Variants in CNTNAP2 observed in about 807,000 individuals in gnomAD.
CNTNAP2 encodes the protein contactin associated protein 2.
A neutral mutation model predicts 155.2 loss-of-function variants in CNTNAP2; 98 were observed. The ratio of observed to expected loss-of-function variants is 0.63; its 90% CI spans 0.54 to 0.75. CNTNAP2 has a LOEUF of 0.75. CNTNAP2 is among the 30% of genes least tolerant of loss of function. The pLI, the probability that CNTNAP2 is intolerant of heterozygous loss-of-function variation, is 0.00. For synonymous variants in CNTNAP2, 651 were observed against 631.2 expected, an observed-to-expected ratio of 1.03 and a Z score of -0.47; for missense variants, 1,727 against 1,688.1, an observed-to-expected ratio of 1.02 and a Z score of -0.40.
chr7:146,990,002 A>G (rs1216467300), intron 3 of CNTNAP2, among the ~76,000 whole-genome samples: 3 of 152,022 alleles, frequency 2.0e-5, no homozygotes, highest in Non-Finnish European at 4.4e-5. Flanking sequence ...TTATCTGGTC[A>G]TATTTACAGG....
At chr7:148,278,559 G>C (rs1585237006) in intron 21 of CNTNAP2, among the ~76,000 whole-genome samples, 1 of 98,422 alleles carries the variant, frequency 1.0e-5, no homozygotes, top group African/African-American at 4.3e-5. Context: ...AACAGAGTGA[G>C]ACTACATCTC....
intron 4 of CNTNAP2, among the ~76,000 whole-genome samples, chr7:147,056,348 T>G (rs1363540423): frequency 2.0e-5 from 3 of 152,178 alleles, no homozygotes; most frequent in African/African-American, 7.2e-5. Flanking sequence ...CTTCCTAAAC[T>G]TTGAAGTGCA....
At chr7:146,292,996 CA>C (rs143585663) in intron 1 of CNTNAP2, among the ~76,000 whole-genome samples, 1,944 of 152,070 alleles carry the variant, frequency 0.013, 30 homozygotes, top group African/African-American at 0.043. Context: ...ATTGTTATTT[CA>C]AATGTTCTCA....
intron 1 of CNTNAP2, among the ~76,000 whole-genome samples, chr7:146,483,285 ATATATATATATATATATATATATAT>A (rs1347908676): frequency 0.051 from 2,415 of 47,218 alleles, 227 homozygotes; most frequent in African/African-American, 0.18. Context: ...AAAAAAAAAT[ATATATATATATATATATATATATAT>A]ATATATATAT....
intron 8 of CNTNAP2, among the ~76,000 whole-genome samples, chr7:147,296,260 TG>T: frequency 6.6e-6 from 1 of 152,298 alleles, no homozygotes; most frequent in South Asian, 2.1e-4. Flanking sequence ...CAAAAAACCA[TG>T]CAGTCCTATA....
At chr7:147,445,047 C>T (rs888797881) in intron 10 of CNTNAP2, among the ~76,000 whole-genome samples, 1 of 152,140 alleles carries the variant, frequency 6.6e-6, no homozygotes, top group Non-Finnish European at 1.5e-5. Flanking sequence ...ATCAGGGGAA[C>T]AGCAAGAGAA....
At chr7:146,221,198 C>T (rs1035983815) in intron 1 of CNTNAP2, among the ~76,000 whole-genome samples, 1 of 152,126 alleles carries the variant, frequency 6.6e-6, no homozygotes, top group African/African-American at 2.4e-5. Flanking sequence ...TTCCCACATC[C>T]TCACAATATC....
intron 9 of CNTNAP2, among the ~76,000 whole-genome samples, chr7:147,352,321 G>C (rs1405654915): frequency 6.6e-6 from 1 of 151,910 alleles, no homozygotes; most frequent in Non-Finnish European, 1.5e-5. Flanking sequence ...ACACTTTTGA[G>C]ATATGGCAGA....
intron 13 of CNTNAP2, among the ~76,000 whole-genome samples, chr7:147,780,406 T>C (rs1389401382): frequency 6.6e-6 from 1 of 152,180 alleles, no homozygotes; most frequent in African/African-American, 2.4e-5. Flanking sequence ...ATTAACAGGT[T>C]TTTTTTAAAG....
At chr7:148,277,677 C>G (rs570142483) in intron 21 of CNTNAP2, among the ~76,000 whole-genome samples, 1 of 152,042 alleles carries the variant, frequency 6.6e-6, no homozygotes, top group South Asian at 2.1e-4. Flanking sequence ...ACCCTTGGTC[C>G]CATCCGTCAT....
chr7:146,949,980 G>A (rs1302106194), intron 3 of CNTNAP2, among the ~76,000 whole-genome samples: 2 of 152,086 alleles, frequency 1.3e-5, no homozygotes, highest in Non-Finnish European at 2.9e-5. Context: ...AGCAAAAATT[G>A]GTGCTCATCT....
At chr7:146,429,519 T>C (rs1796141603) in intron 1 of CNTNAP2, among the ~76,000 whole-genome samples, 1 of 152,148 alleles carries the variant, frequency 6.6e-6, no homozygotes, top group Non-Finnish European at 1.5e-5. Flanking sequence ...ATAATTCTGC[T>C]CTCTAGTTTC....
At chr7:146,611,738 C>T (rs1392819526) in intron 1 of CNTNAP2, among the ~76,000 whole-genome samples, 1 of 152,106 alleles carries the variant, frequency 6.6e-6, no homozygotes, top group African/African-American at 2.4e-5. Flanking sequence ...ATTTAAATTA[C>T]ATATTTTGGT....
At chr7:146,845,552 TGTA>T (rs1202913819) in intron 3 of CNTNAP2, among the ~76,000 whole-genome samples, 1 of 152,174 alleles carries the variant, frequency 6.6e-6, no homozygotes, top group Non-Finnish European at 1.5e-5. Context: ...CCAAATCTAG[TGTA>T]GTATGTTTTT....
At chr7:147,013,092 T>C (rs1437740038) in intron 3 of CNTNAP2, among the ~76,000 whole-genome samples, 1 of 152,184 alleles carries the variant, frequency 6.6e-6, no homozygotes, top group African/African-American at 2.4e-5. Context: ...ATGTGTTTTC[T>C]TGAATAATAG....
chr7:147,202,477 A>G (rs539525871), intron 8 of CNTNAP2, among the ~76,000 whole-genome samples: 1 of 152,312 alleles, frequency 6.6e-6, no homozygotes, highest in Non-Finnish European at 1.5e-5. Context: ...ACATTTATAG[A>G]TGAAGAAAGG....
chr7:147,565,733 A>G (rs1262120804), intron 12 of CNTNAP2, among the ~76,000 whole-genome samples: 1 of 152,190 alleles, frequency 6.6e-6, no homozygotes, highest in Non-Finnish European at 1.5e-5. Flanking sequence ...CTTTAGTGCC[A>G]TTTAGGAGAA....
At chr7:148,406,019 T>C (rs1269471507) in intron 22 of CNTNAP2, among the ~76,000 whole-genome samples, 1 of 151,722 alleles carries the variant, frequency 6.6e-6, no homozygotes, top group African/African-American at 2.4e-5. Context: ...GATCACGAGG[T>C]CAGGAGATCG....
At chr7:146,278,781 C>G (rs1053151021) in intron 1 of CNTNAP2, among the ~76,000 whole-genome samples, 2 of 152,054 alleles carry the variant, frequency 1.3e-5, no homozygotes, top group African/African-American at 4.8e-5. Flanking sequence ...ATGAAGATAA[C>G]AAAATTGAAG....
Sources: allele counts gnomAD v4.1 joint callset (sites outside exome capture counted in the v4.1 genomes callset), GRCh38; gene constraint gnomAD v4.1.1; transcripts MANE v1.5; gene names NCBI Gene and HGNC (gene_info 2026-07-23, HGNC 2026-07-21).